GBP6: variants seen among roughly 807,000 people sequenced by gnomAD.
GBP6 encodes the protein guanylate-binding protein 6.
In GBP6, 54 loss-of-function variants were observed where a neutral mutation model predicts 61.5. The ratio of observed to expected loss-of-function variants is 0.88; its 90% CI spans 0.71 to 1.10. GBP6 has a LOEUF of 1.10. GBP6 is among the 50% of genes least tolerant of loss of function. The pLI, the probability that GBP6 is intolerant of heterozygous loss-of-function variation, is 0.00. For synonymous variants in GBP6, 255 were observed against 273.7 expected, an observed-to-expected ratio of 0.93 and a Z score of 0.67; for missense variants, 748 against 752.8, an observed-to-expected ratio of 0.99 and a Z score of 0.07.
At chr1:89,378,076 A>T (rs1282085333) in intron 3 of GBP6, 27 bp from the exon 4 acceptor site, 1 of 1,592,860 alleles carries the variant, frequency 6.3e-7, no homozygotes, top group East Asian at 2.2e-5. Context: ...TACACTCCTA[A>T]GTCCTTTGCT....
chr1:89,384,015 G>C (rs928655), intron 9 of GBP6, 78 bp from the exon 10 acceptor site: 2 of 1,371,554 alleles, frequency 1.5e-6, no homozygotes, highest in African/African-American at 2.9e-5. Context: ...TTCAGATTTG[G>C]TTTAGTCTCA....
chr1:89,369,529 C>T lies in GBP6; in HGVS notation c.191-17C>T, dbSNP rs1316194507. ...GCTCTGCTGTCCCTGTGCTTAGCTTCCTCCTCTTCCCTGCAGGCTTCCCTC... is the reference window on the plus strand; with the variant it reads ...GCTCTGCTGTCCCTGTGCTTAGCTTTCTCCTCTTCCCTGCAGGCTTCCCTC... On this transcript the variant is annotated splice_polypyrimidine_tract_variant and intron_variant, in intron 2 of 10. Transcript: ENST00000370456. The T allele has an allele frequency of 6.2e-7, 1 of 1,610,654 alleles. No homozygotes were observed. Among genetic ancestry groups the T allele is most frequent in the African/African-American group, 1.3e-5 (1 of 74,836 alleles).
At chr1:89,372,202 A>G (rs1319853843) in intron 3 of GBP6, among the ~76,000 whole-genome samples, 2 of 152,256 alleles carry the variant, frequency 1.3e-5, no homozygotes, top group Non-Finnish European at 2.9e-5. Flanking sequence ...ATGCTCATGG[A>G]TAGGAAGAAT....
rs4658360 is a variant in GBP6 at position 89,381,852 on chromosome 1, C to T, written c.1030C>T (p.Leu344Phe). The T allele has an allele frequency of 0.76, 1,220,138 of 1,613,682 alleles. 462,929 individuals are homozygous for T. Among genetic ancestry groups the T allele is most frequent in the African/African-American group, 0.88 (66,326 of 74,966 alleles). Residue 344 changes from leucine to phenylalanine, a missense_variant, in exon 7 of 11, where the codon CTC (leucine) becomes TTC (phenylalanine). Coordinates refer to ENST00000370456, the MANE Select transcript of GBP6 (RefSeq NM_198460.3). ...CCAGCAGATGGCCCAGCGAGTGAAG[C>T]TCCCCACAGACACGCTCCAGGAGCT... ...YSQQMAQRVKLPTDTLQELLD... is the reference protein window; with the variant it reads ...YSQQMAQRVKFPTDTLQELLD...
chr1:89,381,567 T>G, intron 6 of GBP6, 127 bp from the exon 7 acceptor site: 1 of 783,928 alleles, frequency 1.3e-6, no homozygotes. Flanking sequence ...GGTAGGGATG[T>G]GGGTGTATGT....
At chr1:89,379,429 C>A (rs1357982658) in intron 5 of GBP6, among the ~76,000 whole-genome samples, 1 of 152,062 alleles carries the variant, frequency 6.6e-6, no homozygotes, top group African/African-American at 2.4e-5. Flanking sequence ...AGATATTATT[C>A]TTCTCATGGA....
chr1:89,368,037 T>A (rs115265133), intron 1 of GBP6, among the ~76,000 whole-genome samples: 3,329 of 152,316 alleles, frequency 0.022, 107 homozygotes, highest in African/African-American at 0.073. Flanking sequence ...GCCATTTTTT[T>A]AAAGTTGTTT....
chr1:89,366,109 C>T (rs1303503450), intron 1 of GBP6, among the ~76,000 whole-genome samples: 1 of 152,102 alleles, frequency 6.6e-6, no homozygotes, highest in Non-Finnish European at 1.5e-5. Flanking sequence ...CCTTTCACCT[C>T]GATTCACCCA....
intron 8 of GBP6, among the ~76,000 whole-genome samples, chr1:89,383,131 T>C (rs1000006190): frequency 1.6e-4 from 24 of 152,176 alleles, no homozygotes; most frequent in Non-Finnish European, 2.9e-4. Flanking sequence ...ATAATACAAC[T>C]AACTCACGAG....
In GBP6 at chr1:89,381,960, CAGA is replaced by C. The variant is rs771692373; in HGVS notation, c.1144_1146del (p.Lys382del). On this transcript the variant is annotated inframe_deletion, in exon 7 of 11. Coordinates refer to ENST00000370456, the MANE Select transcript of GBP6 (RefSeq NM_198460.3). ...CTTCAAGGATGAAAATCAGGAATTCCAGAAGAAGTTCATGGTAATTTGCCTTAG... is the reference window on the plus strand; with the variant it reads ...CTTCAAGGATGAAAATCAGGAATTCCAGAAGTTCATGGTAATTTGCCTTAG... 9 of 1,608,188 alleles carry C rather than the reference CAGA, an allele frequency of 5.6e-6. No homozygotes were observed. The highest frequency in any genetic ancestry group is 2.2e-5 in the East Asian group (1 of 44,800).
At chr1:89,367,929 C>A (rs574376442) in intron 1 of GBP6, among the ~76,000 whole-genome samples, 50 of 152,282 alleles carry the variant, frequency 3.3e-4, no homozygotes, top group African/African-American at 1.2e-3. Flanking sequence ...GCCATGAAAT[C>A]GCCTACCATT....
Position 89,369,637 on chromosome 1 carries a change from C to T in GBP6, c.282C>T (p.Val94=). The T allele has an allele frequency of 6.2e-7, 1 of 1,614,092 alleles. No homozygotes were observed. Among genetic ancestry groups the T allele is most frequent in the Non-Finnish European group, 8.5e-7 (1 of 1,179,968 alleles). The stretch of plus-strand genomic sequence containing the variant: ...CATCCAAGCCAAACCACACCCTGGT[C>T]CTTCTGGACACCGAAGGTCTGGGCG... The part of the protein sequence containing the change: ...PHPSKPNHTL[V]LLDTEGLGDV... The change falls in exon 3 of 11, where the codon GTC becomes GTT. Residue 94 remains valine, a synonymous_variant. Transcript: ENST00000370456.
intron 1 of GBP6, among the ~76,000 whole-genome samples, chr1:89,367,268 T>C (rs893134577): frequency 6.6e-6 from 1 of 152,228 alleles, no homozygotes; most frequent in Non-Finnish European, 1.5e-5. Context: ...TTGCATTCCA[T>C]GAACAGTGCA....
rs1354988558 is a variant in GBP6, at chr1:89,386,139, G to C, written c.*670G>C. 1 of 151,422 alleles carries C rather than the reference G, an allele frequency of 6.6e-6. No individual in the cohort carries two copies. The highest frequency in any genetic ancestry group is 1.5e-5 in the Non-Finnish European group (1 of 67,946). 9.4% of individuals were successfully genotyped at this position (151,422 alleles called of 1,614,324 possible). A position where few individuals can be genotyped will look rare whatever the true frequency, so the allele number is the denominator to read the frequency against. On this transcript the variant is annotated 3_prime_UTR_variant, in exon 11 of 11. Transcript: ENST00000370456. ...AGCTCTATTTGTACCAGTAAAGAAT[G>C]GTCTTGAAGAGACATTGTAAAATGA...
In GBP6 at chr1:89,382,707, AAG is replaced by A. The variant is rs763889875; in HGVS notation, c.1199_1200del (p.Glu400ValfsTer9). On this transcript the variant is annotated frameshift_variant, in exon 8 of 11. Transcript: ENST00000370456. LOFTEE classifies it high-confidence loss of function. ...AAGGGGGATTTCTTGCTGCAGAATG[AAG>A]AGTCATCTGTTCAATACTGCCAGGC... is the stretch of plus-strand genomic sequence containing the variant. The A allele has an allele frequency of 6.2e-7, 1 of 1,614,152 alleles. No homozygotes were observed. The highest frequency in any genetic ancestry group is 1.1e-5 in the South Asian group (1 of 91,080).
chr1:89,365,570 T>G (rs1346728932), intron 1 of GBP6, among the ~76,000 whole-genome samples: 1 of 152,268 alleles, frequency 6.6e-6, no homozygotes. Context: ...TTTTTGTTTC[T>G]TAGTAACTTA....
intron 3 of GBP6, 114 bp downstream of exon 3, chr1:89,369,787 C>T (rs1002138471): frequency 2.4e-5 from 31 of 1,287,006 alleles, no homozygotes; most frequent in Non-Finnish European, 3.0e-5. Context: ...ATAAGGCAAA[C>T]TTTGACCTGT....
chr1:89,369,552 C>T lies in GBP6; in HGVS notation c.197C>T (p.Pro66Leu). 2 of 1,613,700 alleles carry T rather than the reference C, an allele frequency of 1.2e-6. No homozygotes were observed. The highest frequency in any genetic ancestry group is 2.2e-5 in the East Asian group (1 of 44,882). ...TTCCTCCTCTTCCCTGCAGGCTTCC[C>T]TCTGGGCTCCACGGTGCAGTCTGAA... ...NHLAGQNHGF[P>L]LGSTVQSETK... The change falls in exon 3 of 11, where the codon CCT becomes CTT. Residue 66 changes from proline to leucine, a missense_variant. Coordinates refer to ENST00000370456, the MANE Select transcript of GBP6 (RefSeq NM_198460.3).
chr1:89,383,501 G>A, intron 8 of GBP6, 151 bp from the exon 9 acceptor site: 1 of 591,356 alleles, frequency 1.7e-6, no homozygotes, highest in Non-Finnish European at 3.0e-6. Context: ...AGGGGCTCTG[G>A]TCACCCTAAA....
Sources: gnomAD v4.1 joint callset for allele counts (sites outside exome capture counted in the v4.1 genomes callset) on GRCh38, gnomAD v4.1.1 for gene constraint, MANE v1.5 for transcripts, NCBI Gene and HGNC (gene_info 2026-07-23, HGNC 2026-07-21) for gene names.